Variants in RYR2 observed in about 807,000 individuals in gnomAD.
The protein encoded by RYR2 is cardiac muscle ryanodine receptor-calcium release channel.
RYR2 carries 227 observed loss-of-function variants against 601.1 expected under a neutral mutation model. The observed-to-expected ratio is 0.38, with a 90% CI of 0.34 to 0.42. RYR2 has a LOEUF of 0.42. Among genes scored for constraint, RYR2 ranks in the 10% least tolerant of loss-of-function variants. RYR2 has a pLI of 1.00. For missense variants in RYR2, 4,646 were observed against 6,156.5 expected (o/e 0.75, Z 8.21); for synonymous variants, 2,223 against 2,175.1 (o/e 1.02, Z -0.61).
chr1:237,233,206 G>A (rs771847152), intron 1 of RYR2, among the ~76,000 whole-genome samples: 7 of 152,162 alleles, frequency 4.6e-5, no homozygotes, highest in Admixed American at 1.3e-4. Flanking sequence ...ATGTTCCAAC[G>A]AATGCTGTAA....
intron 46 of RYR2, 48 bp from the exon 47 acceptor site, chr1:237,640,849 G>T: frequency 6.9e-7 from 1 of 1,446,610 alleles, no homozygotes; most frequent in Non-Finnish European, 9.6e-7. Flanking sequence ...AACATGAAAT[G>T]TCAGTTATCC....
intron 74 of RYR2, among the ~76,000 whole-genome samples, chr1:237,724,237 A>G (rs1690016503): frequency 6.8e-6 from 1 of 146,484 alleles, no homozygotes; most frequent in Non-Finnish European, 1.5e-5. Flanking sequence ...GATAAATTTC[A>G]TAGATGATAA....
At chr1:237,090,068 A>G (rs1666791082) in intron 1 of RYR2, among the ~76,000 whole-genome samples, 1 of 152,170 alleles carries the variant, frequency 6.6e-6, no homozygotes, top group Admixed American at 6.6e-5. Context: ...GAAGGCAGGA[A>G]GAGTCTCTTT....
intron 2 of RYR2, among the ~76,000 whole-genome samples, chr1:237,318,167 A>C (rs35524456): frequency 0.11 from 16,323 of 151,970 alleles, 2,095 homozygotes; most frequent in African/African-American, 0.3. Context: ...ATTCATCTAA[A>C]ATCGTAACTT....
At chr1:237,455,035 G>A (rs1658640582) in intron 15 of RYR2, among the ~76,000 whole-genome samples, 1 of 152,126 alleles carries the variant, frequency 6.6e-6, no homozygotes, top group African/African-American at 2.4e-5. Context: ...TACCGGAGTA[G>A]GCTGAGCTCC....
rs1460724250 is a variant in RYR2, at chr1:237,331,512, C to CTTTTTTTTTTTTTTTTTTTTTTTT, written c.273+538_273+539insTTTTTTTTTTTTTTTTTTTTTTTT. Among the ~76,000 whole-genome samples the CTTTTTTTTTTTTTTTTTTTTTTTT allele has an allele frequency of 2.3e-4, 35 of 150,748 alleles. 1 individual carries two copies. The highest frequency in any genetic ancestry group is 7.9e-4 in the African/African-American group (32 of 40,610). The stretch of plus-strand genomic sequence containing the variant: ...CTCTGAAAATTGAAATTTTTCTTTT[C>CTTTTTTTTTTTTTTTTTTTTTTTT]TTTTTTTTGAGATGGAGTCTGGCTC... On this transcript the variant is annotated intron_variant, in intron 3 of 104. Coordinates refer to ENST00000366574, the MANE Select transcript of RYR2 (RefSeq NM_001035.3).
chr1:237,619,829 G>A (rs1228488429), intron 38 of RYR2, among the ~76,000 whole-genome samples: 8 of 152,050 alleles, frequency 5.3e-5, no homozygotes, highest in South Asian at 2.1e-4. Flanking sequence ...AAGAAGAGAC[G>A]ATCACCTCAG....
At chr1:237,739,814 T>C (rs1691457363) in intron 79 of RYR2, among the ~76,000 whole-genome samples, 2 of 152,344 alleles carry the variant, frequency 1.3e-5, no homozygotes, top group South Asian at 2.1e-4. Flanking sequence ...AAGGAATGCA[T>C]GAAATATACT....
At position 237,784,512 on chromosome 1, in the gene RYR2, A is replaced by G. The variant is rs770999237; in HGVS notation, c.12800A>G (p.Gln4267Arg). 6.8e-6 allele frequency: 11 copies of G among 1,613,776 alleles called. No homozygotes were observed. The Admixed American group carries it at 1.7e-4, about 24-fold the overall frequency. ...CTCAGTCTGAAGAGCCTGAAGAAGCAGATGAAAAAAGTAAAAAAGATGACC... is the reference window on the plus strand; with the variant it reads ...CTCAGTCTGAAGAGCCTGAAGAAGCGGATGAAAAAAGTAAAAAAGATGACC... ...RMLSLKSLKKQMKKVKKMTVK... is the reference protein window; with the variant it reads ...RMLSLKSLKKRMKKVKKMTVK... The change falls in exon 90 of 105, where the codon CAG becomes CGG. Residue 4267 changes from glutamine (Q) to arginine (R), a missense_variant. By Grantham distance (43) the Gln-to-Arg change is conservative. This residue lies in a region of RYR2 where 364 missense variants were observed against 442.9 expected (regional missense o/e 0.82). Coordinates refer to ENST00000366574, the MANE Select transcript of RYR2 (RefSeq NM_001035.3). The surrounding 1 kb of genome is among the most constrained non-coding windows in gnomAD (Gnocchi z 7.1).
chr1:237,520,593 C>T (rs952856101), intron 24 of RYR2, among the ~76,000 whole-genome samples: 1 of 152,090 alleles, frequency 6.6e-6, no homozygotes, highest in Non-Finnish European at 1.5e-5. Flanking sequence ...TCAGTTTTTG[C>T]GACGTATCAC....
chr1:237,619,114 T>C (rs1258765695), intron 38 of RYR2, among the ~76,000 whole-genome samples: 1 of 152,026 alleles, frequency 6.6e-6, no homozygotes, highest in South Asian at 2.1e-4. Context: ...GACCCAGAGC[T>C]CCTAGCATAA....
chr1:237,173,186 T>TA (rs111506005), intron 1 of RYR2, among the ~76,000 whole-genome samples: 8 of 152,200 alleles, frequency 5.3e-5, no homozygotes, highest in South Asian at 2.1e-4. Context: ...TTTTTTTTTT[T>TA]ATCAGCTTAT....
chr1:237,346,109 T>C (rs1397457760), intron 3 of RYR2, among the ~76,000 whole-genome samples: 3 of 152,088 alleles, frequency 2.0e-5, no homozygotes, highest in Non-Finnish European at 4.4e-5. Context: ...CTCATACCTA[T>C]AATCCCAGTA....
chr1:237,402,654 T>G (rs1317555331), intron 10 of RYR2, among the ~76,000 whole-genome samples: 2 of 152,156 alleles, frequency 1.3e-5, no homozygotes. Flanking sequence ...CAGGCTGGGC[T>G]TGGTGTCACA....
Position 237,434,902 on chromosome 1 carries a change from A to G in RYR2, c.1006-6417A>G, listed in dbSNP as rs189133164. Among the ~76,000 whole-genome samples, 429 of 152,144 alleles carry G rather than the reference A, an allele frequency of 2.8e-3. 1 individual carries two copies. Among genetic ancestry groups the G allele is most frequent in the Middle Eastern group, 6.8e-3 (2 of 294 alleles). ...GCAATTCTCCCACCTCAGCCTCCCA[A>G]GTAGCTGGGACTATAGGCATGCACC... On this transcript the variant is annotated intron_variant, in intron 12 of 104. Coordinates refer to ENST00000366574, the MANE Select transcript of RYR2 (RefSeq NM_001035.3).
chr1:237,548,568 G>A lies in RYR2; in HGVS notation c.3044G>A (p.Gly1015Asp), dbSNP rs1158882530. ...NVWARDRIRQGWTYGIQQDVK... is the reference protein window; with the variant it reads ...NVWARDRIRQDWTYGIQQDVK... ...TGGGCGCGGGATCGAATCCGGCAGGGCTGGACTTATGGCATCCAACAGGTA... is the reference window on the plus strand; with the variant it reads ...TGGGCGCGGGATCGAATCCGGCAGGACTGGACTTATGGCATCCAACAGGTA... The change falls in exon 26 of 105, where the codon GGC (glycine) becomes GAC (aspartate). Residue 1015 changes from glycine (G) to aspartate (D), a missense_variant. This residue lies in a region of RYR2 where 1,807 missense variants were observed against 2,088.1 expected (regional missense o/e 0.87). Transcript: ENST00000366574. 1 of 1,613,840 alleles carries A rather than the reference G, an allele frequency of 6.2e-7. No homozygotes were observed. Among genetic ancestry groups the A allele is most frequent in the Non-Finnish European group, 8.5e-7 (1 of 1,179,880 alleles).
At chr1:237,543,392 C>T (rs2148047521) in intron 25 of RYR2, among the ~76,000 whole-genome samples, 1 of 152,254 alleles carries the variant, frequency 6.6e-6, no homozygotes, top group South Asian at 2.1e-4. Context: ...ATTAATCCTT[C>T]TGTATTTGTT....
chr1:237,172,970 A>AC (rs1282992116), intron 1 of RYR2, among the ~76,000 whole-genome samples: 1 of 152,214 alleles, frequency 6.6e-6, no homozygotes, highest in East Asian at 1.9e-4. Flanking sequence ...TAGAGAGATG[A>AC]CAGCAATAAG....
At chr1:237,368,977 C>A (rs889145723) in intron 5 of RYR2, among the ~76,000 whole-genome samples, 2 of 152,044 alleles carry the variant, frequency 1.3e-5, no homozygotes, top group African/African-American at 2.4e-5. Context: ...GCAGGCATCA[C>A]CACGCCCAGC....
Sources: gnomAD v4.1 joint callset for allele counts (sites outside exome capture counted in the v4.1 genomes callset) on GRCh38, gnomAD v4.1.1 for gene constraint, gnomAD v4.1.1 regional missense constraint, Gnocchi (gnomAD v3.1) non-coding constraint, MANE v1.5 for transcripts, NCBI Gene and HGNC (gene_info 2026-07-23, HGNC 2026-07-21) for gene names.